EPB41L2: variants seen among roughly 807,000 people sequenced by gnomAD.
The protein encoded by EPB41L2 is band 4.1-like protein 2.
EPB41L2 carries 43 observed loss-of-function variants against 113.0 expected under a neutral mutation model. That is an observed-to-expected ratio of 0.38 (90% confidence interval 0.30 to 0.49). The LOEUF (loss-of-function observed/expected upper bound fraction) is 0.49, where lower values mean the gene tolerates loss of function less well. Ranked by LOEUF, EPB41L2 falls within the 20% of genes least tolerant of loss-of-function variation. The probability of loss-of-function intolerance (pLI) is 0.95; values close to 1 mark genes in which losing one functional copy is unlikely to be tolerated. For synonymous variants in EPB41L2, 442 were observed against 436.7 expected (o/e 1.01, Z -0.15); for missense variants, 1,147 against 1,223.4 (o/e 0.94, Z 0.93).
rs115187072 is a variant in EPB41L2, at chr6:130,965,129, T to A, written c.-14-8630A>T. Among the ~76,000 whole-genome samples, 262 of 152,260 alleles carry A rather than the reference T, an allele frequency of 1.7e-3. 2 individuals carry two copies. Among genetic ancestry groups the A allele is most frequent in the African/African-American group, 5.9e-3 (246 of 41,554 alleles). On this transcript the variant is annotated intron_variant, in intron 1 of 19. Transcript: ENST00000337057. ...GGATGTGAGTGGGGTCAGTATCTTA[T>A]CCCCTTCTTTCAAGACAAGTGTTTA...
intron 1 of EPB41L2, among the ~76,000 whole-genome samples, chr6:131,023,747 CTATATATAGATATATA>C (rs1790124175): frequency 8.1e-6 from 1 of 123,034 alleles, no homozygotes. Flanking sequence ...ATCTATATAT[CTATATATAGATATATA>C]GATATATAGA....
chr6:131,055,476 T>G (rs978348285), intron 1 of EPB41L2, among the ~76,000 whole-genome samples: 12 of 152,234 alleles, frequency 7.9e-5, no homozygotes, highest in African/African-American at 2.9e-4. Flanking sequence ...TACTCAGGTC[T>G]GCTTCATAAT....
chr6:130,921,252 C>T (rs1028131741), intron 4 of EPB41L2, among the ~76,000 whole-genome samples: 1 of 152,162 alleles, frequency 6.6e-6, no homozygotes, highest in Non-Finnish European at 1.5e-5. Flanking sequence ...TTCTGATATG[C>T]AAATCTGACC....
At chr6:131,042,002 A>C (rs954743196) in intron 1 of EPB41L2, among the ~76,000 whole-genome samples, 2 of 152,196 alleles carry the variant, frequency 1.3e-5, no homozygotes, top group African/African-American at 4.8e-5. Flanking sequence ...AAAAAGAGTG[A>C]ATGAAGTGAT....
chr6:130,895,426 A>C (rs1468667803), intron 8 of EPB41L2, among the ~76,000 whole-genome samples: 1 of 152,198 alleles, frequency 6.6e-6, no homozygotes, highest in Non-Finnish European at 1.5e-5. Context: ...ACAGAGAAGA[A>C]AGGAAGCAGA....
At chr6:130,894,501 G>T in intron 9 of EPB41L2, 60 bp from the exon 10 acceptor site, 2 of 1,442,364 alleles carry the variant, frequency 1.4e-6, no homozygotes, top group African/African-American at 1.4e-5. Context: ...AGAAGTTACT[G>T]AAAAGCATGC....
At chr6:130,939,740 C>T (rs886665203) in intron 3 of EPB41L2, among the ~76,000 whole-genome samples, 1 of 152,156 alleles carries the variant, frequency 6.6e-6, no homozygotes, top group Non-Finnish European at 1.5e-5. Context: ...AAAACAGATG[C>T]TACTAAAGCT....
At chr6:131,059,746 A>G (rs779532622) in intron 1 of EPB41L2, among the ~76,000 whole-genome samples, 1 of 152,232 alleles carries the variant, frequency 6.6e-6, no homozygotes, top group African/African-American at 2.4e-5. Context: ...CCAAGATTCT[A>G]TAAAAGAGCA....
chr6:130,876,575 A>T, intron 14 of EPB41L2: 1 of 623,370 alleles, frequency 1.6e-6, no homozygotes, highest in Non-Finnish European at 2.3e-6. Flanking sequence ...AAAAAATTTT[A>T]GTATGACACA....
chr6:130,961,305 G>A, intron 1 of EPB41L2, among the ~76,000 whole-genome samples: 1 of 152,172 alleles, frequency 6.6e-6, no homozygotes, highest in Non-Finnish European at 1.5e-5. Context: ...CTCCATCTGG[G>A]TTGATAAAAG....
chr6:130,994,223 C>T (rs1439794263), intron 1 of EPB41L2, among the ~76,000 whole-genome samples: 1 of 152,038 alleles, frequency 6.6e-6, no homozygotes, highest in Non-Finnish European at 1.5e-5. Flanking sequence ...CCAAGATGAC[C>T]CTGAGCTGTA....
intron 15 of EPB41L2, chr6:130,869,000 A>G (rs1784802220): frequency 6.5e-6 from 1 of 152,796 alleles, no homozygotes; most frequent in Non-Finnish European, 1.5e-5. Flanking sequence ...CAGAAATCAC[A>G]GTGGCATTCA....
chr6:131,049,563 A>G lies in EPB41L2; in HGVS notation c.-15+13592T>C, dbSNP rs1315640378. ...CCAGAGTCTAGAAGCAACTAAACAG[A>G]GTACTGGGAAACAGTAAAAGATTAT... On this transcript the variant is annotated intron_variant, in intron 1 of 19. Transcript: ENST00000337057. Among the ~76,000 whole-genome samples the G allele has an allele frequency of 2.0e-5, 3 of 152,238 alleles. No homozygotes were observed. The South Asian group carries it at 6.2e-4, about 31-fold the overall frequency.
At chr6:130,870,489 C>T (rs1448024387) in intron 14 of EPB41L2, 1 of 1,149,066 alleles carries the variant, frequency 8.7e-7, no homozygotes, top group Non-Finnish European at 1.3e-6. Context: ...GAATCAACAT[C>T]TACAGAAACC....
intron 4 of EPB41L2, among the ~76,000 whole-genome samples, chr6:130,925,896 A>C (rs1469369282): frequency 1.3e-5 from 2 of 152,250 alleles, no homozygotes; most frequent in Non-Finnish European, 2.9e-5. Context: ...CAAATTAGAT[A>C]TCAAGTATTT....
chr6:130,966,425 G>GA (rs1775201569), intron 1 of EPB41L2, among the ~76,000 whole-genome samples: 1 of 152,158 alleles, frequency 6.6e-6, no homozygotes, highest in Non-Finnish European at 1.5e-5. Flanking sequence ...ATATGGATAG[G>GA]ATACCTTATA....
intron 4 of EPB41L2, among the ~76,000 whole-genome samples, chr6:130,915,423 G>T (rs1232381509): frequency 6.6e-6 from 1 of 152,176 alleles, no homozygotes; most frequent in Non-Finnish European, 1.5e-5. Flanking sequence ...CTGAAACTTA[G>T]CATCACTGTC....
chr6:131,006,772 C>A (rs1026155095), intron 1 of EPB41L2, among the ~76,000 whole-genome samples: 1 of 152,024 alleles, frequency 6.6e-6, no homozygotes, highest in Non-Finnish European at 1.5e-5. Flanking sequence ...AAAAATCCTG[C>A]CCTAGACCTA....
chr6:130,942,927 G>C (rs1482556186), intron 3 of EPB41L2, among the ~76,000 whole-genome samples: 1 of 152,180 alleles, frequency 6.6e-6, no homozygotes, highest in Non-Finnish European at 1.5e-5. Context: ...GACACGAACT[G>C]ATGCTTTTTT....
Sources: gnomAD v4.1 joint callset for allele counts (sites outside exome capture counted in the v4.1 genomes callset) on GRCh38, gnomAD v4.1.1 for gene constraint, MANE v1.5 for transcripts, NCBI Gene and HGNC (gene_info 2026-07-23, HGNC 2026-07-21) for gene names.